Variants in FMN2 observed in about 807,000 individuals in gnomAD.
The protein encoded by FMN2 is formin 2, also known as formin-2.
FMN2 carries 51 observed loss-of-function variants against 142.3 expected under a neutral mutation model. The ratio of observed to expected loss-of-function variants is 0.36; its 90% CI spans 0.29 to 0.45. The LOEUF is 0.45. Among genes scored for constraint, FMN2 ranks in the 20% least tolerant of loss-of-function variants. The pLI is 1.00. For synonymous variants in FMN2, 882 were observed against 869.8 expected (o/e 1.01, Z -0.25); for missense variants, 1,936 against 2,122.8 (o/e 0.91, Z 1.73).
At chr1:240,144,129 A>T in intron 2 of FMN2, 2 of 1,218,788 alleles carry the variant, frequency 1.6e-6, no homozygotes, top group South Asian at 1.2e-5. Context: ...CCACAGCAGC[A>T]GCATCCCAAC....
intron 15 of FMN2, among the ~76,000 whole-genome samples, 182 bp from the exon 16 acceptor site, chr1:240,437,879 G>T (rs558121822): frequency 4.6e-5 from 7 of 152,190 alleles, no homozygotes; most frequent in Non-Finnish European, 1.0e-4. Flanking sequence ...AGTTGCTGCT[G>T]TCTGTATCCA....
intron 13 of FMN2, among the ~76,000 whole-genome samples, chr1:240,353,870 A>G (rs569434874): frequency 6.6e-6 from 1 of 152,230 alleles, no homozygotes; most frequent in African/African-American, 2.4e-5. Context: ...CTGCTTGGAG[A>G]CAAGTGGCAG....
chr1:240,357,933 T>G (rs1421211934), intron 14 of FMN2, among the ~76,000 whole-genome samples: 4 of 136,862 alleles, frequency 2.9e-5, no homozygotes, highest in African/African-American at 1.2e-4. Flanking sequence ...CTCCTTGTTA[T>G]GAAACTCAGA....
intron 16 of FMN2, among the ~76,000 whole-genome samples, chr1:240,445,515 A>G (rs370103783): frequency 7.2e-5 from 11 of 152,256 alleles, no homozygotes; most frequent in African/African-American, 2.2e-4. Context: ...AATGTGCTGT[A>G]TGAGCATTCC....
intron 8 of FMN2, among the ~76,000 whole-genome samples, chr1:240,314,151 T>A (rs2102991070): frequency 6.6e-6 from 1 of 152,290 alleles, no homozygotes; most frequent in East Asian, 1.9e-4. Flanking sequence ...ATTTTAATTA[T>A]CATATAAGAA....
In FMN2 at chr1:240,468,214, G is replaced by A. The variant is rs933133958; in HGVS notation, c.5061-4158G>A. 4.4e-5 allele frequency among the ~76,000 whole-genome samples: 6 copies of A among 136,488 alleles called. 1 individual carries two copies. Among genetic ancestry groups the A allele is most frequent in the Admixed American group, 1.5e-4 (2 of 13,718 alleles). 89.5% of individuals were successfully genotyped at this position (136,488 alleles called of 152,430 possible). A position where few individuals can be genotyped will look rare whatever the true frequency, so the allele number is the denominator to read the frequency against. Reference sequence around the variant, plus strand: ...CACTAAAATATATATATATGTGTGTGTGTGTGTGTGTGTGTGTGTATTCAC... The same window carrying A: ...CACTAAAATATATATATATGTGTGTATGTGTGTGTGTGTGTGTGTATTCAC... On this transcript the variant is annotated intron_variant, in intron 16 of 17. Coordinates refer to ENST00000319653, the MANE Select transcript of FMN2 (RefSeq NM_020066.5).
intron 6 of FMN2, among the ~76,000 whole-genome samples, chr1:240,215,991 G>C (rs924417691): frequency 1.3e-5 from 2 of 152,204 alleles, no homozygotes; most frequent in African/African-American, 2.4e-5. Context: ...TTACAGGCAT[G>C]AACCACTGCG....
intron 2 of FMN2, among the ~76,000 whole-genome samples, chr1:240,148,671 A>G (rs1189163661): frequency 3.9e-5 from 6 of 152,204 alleles, no homozygotes; most frequent in Non-Finnish European, 4.4e-5. Context: ...ATACCCAGGT[A>G]TGTTGCTGAA....
intron 3 of FMN2, among the ~76,000 whole-genome samples, chr1:240,185,460 G>A (rs1239853403): frequency 6.6e-6 from 1 of 152,164 alleles, no homozygotes. Context: ...TATAATGAAA[G>A]GGATGGGATT....
intron 6 of FMN2, 133 bp from the exon 7 acceptor site, chr1:240,257,812 G>A (rs953900487): frequency 4.2e-6 from 3 of 718,010 alleles, no homozygotes; most frequent in East Asian, 2.8e-5. Context: ...AAAAAACACT[G>A]TTTTGAATAC....
chr1:240,135,990 T>C (rs894095574), intron 2 of FMN2, among the ~76,000 whole-genome samples: 4 of 152,138 alleles, frequency 2.6e-5, no homozygotes, highest in East Asian at 1.9e-4. Flanking sequence ...TGTTTTTTTT[T>C]TTTTAATCAA....
chr1:240,375,555 T>G (rs1673013850), intron 14 of FMN2, among the ~76,000 whole-genome samples: 1 of 152,206 alleles, frequency 6.6e-6, no homozygotes, highest in Non-Finnish European at 1.5e-5. Flanking sequence ...GAATATTTGT[T>G]GCTCTAACCA....
chr1:240,289,731 T>C (rs928789614), intron 7 of FMN2, among the ~76,000 whole-genome samples: 14 of 152,146 alleles, frequency 9.2e-5, no homozygotes, highest in Non-Finnish European at 1.9e-4. Context: ...AACTACTTAA[T>C]CTGGCTATTC....
intron 2 of FMN2, chr1:240,144,030 T>C: frequency 8.8e-7 from 1 of 1,136,556 alleles, no homozygotes; most frequent in Non-Finnish European, 1.3e-6. Flanking sequence ...GAGTTCACTA[T>C]GCCACAGGCA....
chr1:240,280,197 C>T (rs987276644), intron 7 of FMN2, among the ~76,000 whole-genome samples: 4 of 152,086 alleles, frequency 2.6e-5, no homozygotes, highest in African/African-American at 7.2e-5. Context: ...TAAATGTTTA[C>T]ATATACTAAA....
chr1:240,227,482 G>A, intron 6 of FMN2, among the ~76,000 whole-genome samples: 1 of 152,062 alleles, frequency 6.6e-6, no homozygotes, highest in South Asian at 2.1e-4. Context: ...GAAAAATGAA[G>A]GATCTCAGAA....
intron 15 of FMN2, among the ~76,000 whole-genome samples, chr1:240,422,994 TC>T (rs1674823748): frequency 1.3e-5 from 2 of 152,152 alleles, no homozygotes; most frequent in Non-Finnish European, 2.9e-5. Flanking sequence ...TGCTCTGAGG[TC>T]ACAATTACCC....
chr1:240,297,614 A>G (rs912500712), intron 8 of FMN2, among the ~76,000 whole-genome samples: 2 of 144,658 alleles, frequency 1.4e-5, no homozygotes, highest in African/African-American at 5.1e-5. Context: ...AAAAAAAAAA[A>G]AAGAATATTT....
Position 240,177,953 on chromosome 1 carries a change from T to C in FMN2, c.1815T>C (p.Ser605=), listed in dbSNP as rs750125669. Residue 605 remains serine (S), a synonymous_variant, in exon 3 of 18, where the codon AGT becomes AGC. Transcript: ENST00000319653. Reference sequence around the variant, plus strand: ...AACTTTATACCTGGGCTGCAGTTAGTCAACCCACACACTCATTGGACTATT... The same window carrying C: ...AACTTTATACCTGGGCTGCAGTTAGCCAACCCACACACTCATTGGACTATT... ...QDQLYTWAAV[S]QPTHSLDYSE... 10 of 1,595,654 alleles carry C rather than the reference T, an allele frequency of 6.3e-6. No individual in the cohort carries two copies. Among genetic ancestry groups the C allele is most frequent in the Non-Finnish European group, 8.5e-6 (10 of 1,174,270 alleles).
Sources: allele counts gnomAD v4.1 joint callset (sites outside exome capture counted in the v4.1 genomes callset), GRCh38; gene constraint gnomAD v4.1.1; transcripts MANE v1.5; gene names NCBI Gene and HGNC (gene_info 2026-07-23, HGNC 2026-07-21).